CLEC16A: variants seen among roughly 807,000 people sequenced by gnomAD.
The protein encoded by CLEC16A is protein CLEC16A.
In CLEC16A, 51 loss-of-function variants were observed where a neutral mutation model predicts 109.5. The ratio of observed to expected loss-of-function variants is 0.47; its 90% CI spans 0.37 to 0.59. The LOEUF is 0.59. Among genes scored for constraint, CLEC16A ranks in the 20% least tolerant of loss-of-function variants. CLEC16A has a pLI of 0.00. For missense variants in CLEC16A, 1,339 were observed against 1,394.0 expected, an observed-to-expected ratio of 0.96 and a Z score of 0.63; for synonymous variants, 673 against 564.2, an observed-to-expected ratio of 1.19 and a Z score of -2.73.
chr16:11,063,106 G>C lies in CLEC16A; in HGVS notation c.2116+2084G>C, dbSNP rs372522688. Among the ~76,000 whole-genome samples, 54 of 152,118 alleles carry C rather than the reference G, an allele frequency of 3.5e-4. No individual in the cohort carries two copies. In the South Asian group the frequency reaches 0.011, roughly 31 times the overall value. ...AGATCACTTAACTGAGCCTTTTTGG[G>C]TAGTTGGCCATTAAGAAAGTAATGG... On this transcript the variant is annotated intron_variant, in intron 19 of 23. Coordinates refer to ENST00000409790, the MANE Select transcript of CLEC16A (RefSeq NM_015226.3).
rs1031392440 is a variant in CLEC16A, at chr16:11,146,850, G to A, written c.2642-19538G>A. ...TGTGTGCTAAACATTGTTCACTGGG[G>A]ACTCAGGGGTTAGTCAAACAAAACA... On this transcript the variant is annotated intron_variant, in intron 22 of 23. Transcript: ENST00000409790. Among the ~76,000 whole-genome samples the A allele has an allele frequency of 5.9e-5, 9 of 152,126 alleles. No individual in the cohort carries two copies. The East Asian group carries it at 1.7e-3, about 29-fold the overall frequency.
At chr16:11,065,182 C>T (rs936881580) in intron 19 of CLEC16A, among the ~76,000 whole-genome samples, 5 of 152,176 alleles carry the variant, frequency 3.3e-5, no homozygotes, top group African/African-American at 1.2e-4. Flanking sequence ...ACCACAGATT[C>T]CTTGGGATTG....
chr16:10,947,206 G>A (rs957292849), intron 1 of CLEC16A, among the ~76,000 whole-genome samples: 11 of 152,226 alleles, frequency 7.2e-5, no homozygotes, highest in Non-Finnish European at 1.2e-4. Context: ...ATTGGTGGGG[G>A]GGTTAGAAGA....
chr16:11,061,959 G>A (rs914627573), intron 19 of CLEC16A, among the ~76,000 whole-genome samples: 1 of 152,132 alleles, frequency 6.6e-6, no homozygotes, highest in Non-Finnish European at 1.5e-5. Flanking sequence ...AAGATTTGTT[G>A]AGCCAGCTAC....
chr16:10,995,658 C>T (rs963191596), intron 10 of CLEC16A, among the ~76,000 whole-genome samples: 1 of 152,154 alleles, frequency 6.6e-6, no homozygotes, highest in African/African-American at 2.4e-5. Context: ...CCCACACTAC[C>T]CCCATGGTGG....
In CLEC16A at chr16:11,119,148, C is replaced by T. The variant is rs555131668; in HGVS notation, c.2117-1467C>T. Among the ~76,000 whole-genome samples, 7 of 152,286 alleles carry T rather than the reference C, an allele frequency of 4.6e-5. No individual in the cohort carries two copies. The East Asian group carries it at 1.3e-3, about 29-fold the overall frequency. The stretch of plus-strand genomic sequence containing the variant: ...CCGAGTAGCTGGGACTACAGGCACA[C>T]ACCACCACGCTCAGCTAATTTTTTT... On this transcript the variant is annotated intron_variant, in intron 19 of 23. Transcript: ENST00000409790.
rs1435801645 is a variant in CLEC16A, at chr16:10,957,831, C to T, written c.130C>T (p.Arg44Trp). 2 of 1,613,564 alleles carry T rather than the reference C, an allele frequency of 1.2e-6. No homozygotes were observed. The highest frequency in any genetic ancestry group is 8.5e-7 in the Non-Finnish European group (1 of 1,179,500). The change falls in exon 2 of 24, where the codon CGG becomes TGG. Residue 44 changes from arginine (R) to tryptophan (W), a missense_variant. Transcript: ENST00000409790. ...TKNTTVTEQN[R>W]NLLVETIRSI... Reference sequence around the variant, plus strand: ...AAACACCACAGTCACAGAACAGAACCGGAACCTGCTAGTGGAGACCATCCG... The same window carrying T: ...AAACACCACAGTCACAGAACAGAACTGGAACCTGCTAGTGGAGACCATCCG...
chr16:11,062,800 T>G (rs189871122), intron 19 of CLEC16A, among the ~76,000 whole-genome samples: 1 of 151,736 alleles, frequency 6.6e-6, no homozygotes, highest in Admixed American at 6.6e-5. Flanking sequence ...CACAGGAATT[T>G]CTCTAAGGGT....
intron 19 of CLEC16A, among the ~76,000 whole-genome samples, chr16:11,077,471 CAAAAAA>C (rs562378755): frequency 3.3e-5 from 2 of 61,316 alleles, no homozygotes; most frequent in Admixed American, 3.0e-4. Flanking sequence ...GACTCTGTCT[CAAAAAA>C]AAAAAAAAAA....
At chr16:11,130,594 G>A (rs774735595) in intron 22 of CLEC16A, among the ~76,000 whole-genome samples, 1 of 152,220 alleles carries the variant, frequency 6.6e-6, no homozygotes, top group East Asian at 1.9e-4. Context: ...AGTGGAGGGA[G>A]ATTCGGTCAT....
intron 12 of CLEC16A, 94 bp from the exon 13 acceptor site, chr16:11,024,721 GCTGTGT>G (rs1459706756): frequency 1.2e-6 from 1 of 825,862 alleles, no homozygotes; most frequent in Admixed American, 2.0e-5. Flanking sequence ...GGCCTAAAGA[GCTGTGT>G]CAAAGGCAGC....
chr16:11,118,995 T>C (rs965419402), intron 19 of CLEC16A, among the ~76,000 whole-genome samples: 1 of 152,144 alleles, frequency 6.6e-6, no homozygotes, highest in Non-Finnish European at 1.5e-5. Flanking sequence ...TGTTGGTCCA[T>C]GTGTTTTTCT....
chr16:11,053,840 C>T (rs1218575842), intron 18 of CLEC16A, among the ~76,000 whole-genome samples: 3 of 152,232 alleles, frequency 2.0e-5, no homozygotes, highest in African/African-American at 7.2e-5. Context: ...TCTGCTGGCT[C>T]TGCTCAGGAC....
chr16:11,181,630 C>G lies in CLEC16A; in HGVS notation c.*2940C>G, dbSNP rs200810764. 1.3e-5 allele frequency: 2 copies of G among 152,484 alleles called. No individual in the cohort carries two copies. Among genetic ancestry groups the G allele is most frequent in the Non-Finnish European group, 2.9e-5 (2 of 68,114 alleles). The allele number at this position is 152,484 out of a possible 1,614,324, so 9.4% of individuals were successfully genotyped here. On this transcript the variant is annotated 3_prime_UTR_variant, in exon 24 of 24. Transcript: ENST00000409790. ...GATGGGGCCAGCTGAGGCGCTCCCC[C>G]AGGCAGGAAGGGCCAGCCTTCACCA...
intron 18 of CLEC16A, among the ~76,000 whole-genome samples, chr16:11,055,749 A>AT (rs1023252428): frequency 6.7e-5 from 10 of 149,838 alleles, no homozygotes; most frequent in Admixed American, 4.0e-4. Flanking sequence ...TGATTTTTTA[A>AT]TTTTTTTTGT....
chr16:10,977,969 A>G (rs1191117093), intron 8 of CLEC16A, among the ~76,000 whole-genome samples: 1 of 152,170 alleles, frequency 6.6e-6, no homozygotes, highest in Non-Finnish European at 1.5e-5. Context: ...AACATCTACA[A>G]ATGTAGGGTT....
intron 19 of CLEC16A, among the ~76,000 whole-genome samples, chr16:11,067,097 G>A (rs527938288): frequency 4.6e-5 from 7 of 151,186 alleles, no homozygotes; most frequent in Admixed American, 1.3e-4. Context: ...AACAGTAGTG[G>A]CAACTGTATA....
intron 22 of CLEC16A, among the ~76,000 whole-genome samples, chr16:11,137,587 TAAAA>T (rs5815617): frequency 1.7e-5 from 1 of 59,312 alleles, no homozygotes; most frequent in African/African-American, 6.7e-5. Flanking sequence ...AGACTCCATC[TAAAA>T]AAAAAAAAAA....
chr16:11,073,302 C>G, intron 19 of CLEC16A, among the ~76,000 whole-genome samples: 1 of 152,120 alleles, frequency 6.6e-6, no homozygotes, highest in East Asian at 1.9e-4. Context: ...GGAGCAGCTG[C>G]TCATCACCCG....
Sources: allele counts gnomAD v4.1 joint callset (sites outside exome capture counted in the v4.1 genomes callset), GRCh38; gene constraint gnomAD v4.1.1; transcripts MANE v1.5; gene names NCBI Gene and HGNC (gene_info 2026-07-23, HGNC 2026-07-21).